TAOK3: variants seen among roughly 807,000 people sequenced by gnomAD.
TAOK3 encodes TAO kinase 3, also known as serine/threonine-protein kinase TAO3.
A neutral mutation model predicts 120.4 loss-of-function variants in TAOK3; 40 were observed. The observed-to-expected ratio is 0.33, with a 90% CI of 0.26 to 0.43. The LOEUF is 0.43. Among genes scored for constraint, TAOK3 ranks in the 20% least tolerant of loss-of-function variants. The pLI is 1.00. For missense variants in TAOK3, 821 were observed against 1,112.1 expected (o/e 0.74, Z 3.72); for synonymous variants, 355 against 387.5 (o/e 0.92, Z 0.99).
At chr12:118,169,132 G>T (rs1278380577) in intron 17 of TAOK3, among the ~76,000 whole-genome samples, 1 of 152,046 alleles carries the variant, frequency 6.6e-6, no homozygotes, top group African/African-American at 2.4e-5. Context: ...TCCCTCCTCA[G>T]CCTCCCAAGT....
intron 13 of TAOK3, among the ~76,000 whole-genome samples, chr12:118,192,224 C>T (rs753998104): frequency 3.9e-5 from 6 of 152,088 alleles, no homozygotes; most frequent in South Asian, 4.2e-4. Context: ...TGAAGTACAC[C>T]GGAAAAATTA....
rs779684809 is a variant in TAOK3, at chr12:118,214,005, GC to G, written c.737+11del. 1.4e-5 allele frequency: 22 copies of G among 1,593,314 alleles called. No individual in the cohort carries two copies. The highest frequency in any genetic ancestry group is 1.7e-4 in the Middle Eastern group (1 of 6,020). On this transcript the variant is annotated intron_variant, in intron 10 of 20. Coordinates refer to ENST00000392533, the MANE Select transcript of TAOK3 (RefSeq NM_016281.4). ...ATTTTCTTAGAGATTTAAAATGATA[GC>G]AGAGTCTTACCATTCATTAGACTGT...
At position 118,266,709 on chromosome 12, in the gene TAOK3, A is replaced by C; in HGVS notation, c.-143T>G. The C allele has an allele frequency of 2.5e-6, 1 of 398,012 alleles. No individual in the cohort carries two copies. Among genetic ancestry groups the C allele is most frequent in the Non-Finnish European group, 4.4e-6 (1 of 225,778 alleles). 24.7% of individuals were successfully genotyped at this position (398,012 alleles called of 1,614,324 possible). On this transcript the variant is annotated 5_prime_UTR_variant, in exon 2 of 21. Transcript: ENST00000392533. ...ATTGCTCAGATTCATTTTAGCAGCAAACTTCTCTTTTCTCTTTTATAACTT... is the reference window on the plus strand; with the variant it reads ...ATTGCTCAGATTCATTTTAGCAGCACACTTCTCTTTTCTCTTTTATAACTT...
chr12:118,152,464 G>GCCTACAGCCCTTGGTGA (rs2034519038), intron 19 of TAOK3, 55 bp from the exon 20 acceptor site: 4 of 1,531,926 alleles, frequency 2.6e-6, no homozygotes, highest in Non-Finnish European at 3.5e-6. Flanking sequence ...GCCCTTGGTG[G>GCCTACAGCCCTTGGTGA]CCTACAGCCC....
intron 6 of TAOK3, 103 bp from the exon 7 acceptor site, chr12:118,238,272 A>C: frequency 6.8e-6 from 4 of 584,084 alleles, no homozygotes; most frequent in East Asian, 2.9e-5. Flanking sequence ...TTCTCACATG[A>C]CAATTTGGGA....
chr12:118,245,641 C>T (rs183771519), intron 3 of TAOK3, among the ~76,000 whole-genome samples: 1 of 152,254 alleles, frequency 6.6e-6, no homozygotes, highest in South Asian at 2.1e-4. Context: ...AAAATAATAT[C>T]TCCATACTGC....
chr12:118,154,415 G>T lies in TAOK3; in HGVS notation c.2353-2006C>A, dbSNP rs73412922. On this transcript the variant is annotated intron_variant, in intron 19 of 20. Coordinates refer to ENST00000392533, the MANE Select transcript of TAOK3 (RefSeq NM_016281.4). ...CAGCATTTAGTTTTTATCACCCAAG[G>T]TTACACACATCAAATCCATTAAAAA... Among the ~76,000 whole-genome samples, 21 of 152,180 alleles carry T rather than the reference G, an allele frequency of 1.4e-4. 1 individual carries two copies. The highest frequency in any genetic ancestry group is 5.1e-4 in the African/African-American group (21 of 41,528).
At chr12:118,173,544 C>G (rs1051041910) in intron 16 of TAOK3, among the ~76,000 whole-genome samples, 1 of 152,200 alleles carries the variant, frequency 6.6e-6, no homozygotes, top group African/African-American at 2.4e-5. Flanking sequence ...AGTGACAAGA[C>G]TGAGAGAAGC....
Position 118,243,821 on chromosome 12 carries a change from C to T in TAOK3, c.193-305G>A, listed in dbSNP as rs1168128577. On this transcript the variant is annotated intron_variant, in intron 4 of 20. Transcript: ENST00000392533. ...CCTCCCAAGTAGCTGGGACTACAGGCGTGCACCACCAGACCAAACTAATTT... is the reference window on the plus strand; with the variant it reads ...CCTCCCAAGTAGCTGGGACTACAGGTGTGCACCACCAGACCAAACTAATTT... Among the ~76,000 whole-genome samples the T allele has an allele frequency of 5.3e-5, 8 of 152,038 alleles. No individual in the cohort carries two copies. In the South Asian group the frequency reaches 6.2e-4, roughly 12 times the overall value.
intron 1 of TAOK3, among the ~76,000 whole-genome samples, chr12:118,292,026 C>T (rs1369432235): frequency 6.6e-6 from 1 of 152,012 alleles, no homozygotes; most frequent in East Asian, 1.9e-4. Flanking sequence ...TGAGGATGAT[C>T]TTGATCTCCT....
intron 20 of TAOK3, 105 bp from the exon 21 acceptor site, chr12:118,151,263 GGCACACACATGAAGTGCGCGCGCGCGCAC>G: frequency 8.5e-7 from 1 of 1,178,614 alleles, no homozygotes; most frequent in Non-Finnish European, 1.2e-6. Context: ...CACACACATA[GGCACACACATGAAGTGCGCGCGCGCGCAC>G]ACACACACAC....
chr12:118,197,636 A>G (rs1025313473), intron 13 of TAOK3, among the ~76,000 whole-genome samples: 8 of 151,550 alleles, frequency 5.3e-5, no homozygotes, highest in Admixed American at 4.6e-4. Flanking sequence ...CAGACCTGTC[A>G]GCACTCATGA....
intron 17 of TAOK3, among the ~76,000 whole-genome samples, chr12:118,164,150 G>C (rs1305195522): frequency 2.0e-5 from 3 of 151,298 alleles, no homozygotes; most frequent in African/African-American, 7.3e-5. Flanking sequence ...GTGAAACCCC[G>C]TCTCCACTTA....
At chr12:118,281,153 T>G (rs461066) in intron 1 of TAOK3, among the ~76,000 whole-genome samples, 18,377 of 152,246 alleles carry the variant, frequency 0.12, 1,286 homozygotes, top group Non-Finnish European at 0.16. Context: ...AGGGATAGTT[T>G]GACTTTCTTT....
intron 1 of TAOK3, among the ~76,000 whole-genome samples, chr12:118,301,439 T>C (rs2042876318): frequency 6.6e-6 from 1 of 152,190 alleles, no homozygotes; most frequent in South Asian, 2.1e-4. Context: ...ACCCTGTATT[T>C]TGTAGCTACC....
chr12:118,214,832 G>A (rs1286214174), intron 9 of TAOK3, among the ~76,000 whole-genome samples: 1 of 149,858 alleles, frequency 6.7e-6, no homozygotes, highest in Non-Finnish European at 1.5e-5. Context: ...TACAACCTCC[G>A]CCTCCCAGGT....
rs1161960970 is a variant in TAOK3, at chr12:118,217,797, A to G, written c.644-3687T>C. On this transcript the variant is annotated intron_variant, in intron 9 of 20. Transcript: ENST00000392533. ...TGTATATATGTATATGTATGTATGT[A>G]TGTGTGTGTGTGTGTATACATATAT... Among the ~76,000 whole-genome samples, 449 of 65,238 alleles carry G rather than the reference A, an allele frequency of 6.9e-3. 2 individuals are homozygous for G. Among genetic ancestry groups the G allele is most frequent in the South Asian group, 0.017 (31 of 1,868 alleles). 42.8% of individuals were successfully genotyped at this position (65,238 alleles called of 152,430 possible).
chr12:118,161,938 C>T lies in TAOK3; in HGVS notation c.1989G>A (p.Gln663=). ...DESTRELEYR[Q]LHTLQKLRMD... ...TGCGTAGCTTCTGTAACGTGTGCAG[C>T]TGCCTGTACTCTAGCTCTCGGGTGG... is the stretch of plus-strand genomic sequence containing the variant. Residue 663 remains glutamine, a synonymous_variant, in exon 18 of 21, where the codon CAG becomes CAA. Transcript: ENST00000392533. The surrounding 1 kb of genome is among the most constrained non-coding windows in gnomAD (Gnocchi z 4.5). 1 of 1,614,126 alleles carries T rather than the reference C, an allele frequency of 6.2e-7. No individual in the cohort carries two copies. Among genetic ancestry groups the T allele is most frequent in the African/African-American group, 1.3e-5 (1 of 75,018 alleles).
intron 7 of TAOK3, chr12:118,235,944 A>G (rs577338987): frequency 3.4e-6 from 1 of 298,056 alleles, no homozygotes; most frequent in East Asian, 5.9e-5. Flanking sequence ...AAAAAGGCAG[A>G]CATGGCGAAC....
Sources: allele counts gnomAD v4.1 joint callset (sites outside exome capture counted in the v4.1 genomes callset), GRCh38; gene constraint gnomAD v4.1.1; non-coding constraint Gnocchi (gnomAD v3.1); transcripts MANE v1.5; gene names NCBI Gene and HGNC (gene_info 2026-07-23, HGNC 2026-07-21).